IFT122: variants seen among roughly 807,000 people sequenced by gnomAD.
IFT122 encodes intraflagellar transport protein 122 homolog.
Under a neutral mutation model 161.6 loss-of-function variants are expected in IFT122, and 118 were observed. The observed-to-expected ratio is 0.73, with a 90% CI of 0.63 to 0.85. IFT122 has a LOEUF of 0.85. IFT122 is among the 40% of genes least tolerant of loss of function. IFT122 has a pLI of 0.00. For missense variants in IFT122, 1,381 were observed against 1,579.6 expected (o/e 0.87, Z 2.13); for synonymous variants, 550 against 602.4 (o/e 0.91, Z 1.27).
At chr3:129,511,817 T>C (rs2082868659) in intron 23 of IFT122, among the ~76,000 whole-genome samples, 1 of 152,134 alleles carries the variant, frequency 6.6e-6, no homozygotes, top group South Asian at 2.1e-4. Context: ...GGCATGTGGG[T>C]TCATGCTGGA....
chr3:129,518,749 C>T (rs2084338669), intron 27 of IFT122, among the ~76,000 whole-genome samples: 1 of 152,174 alleles, frequency 6.6e-6, no homozygotes, highest in African/African-American at 2.4e-5. Context: ...GGGACTCTCG[C>T]CCCTGTCTGC....
At chr3:129,440,590 G>A (rs2072872212) in intron 1 of IFT122, among the ~76,000 whole-genome samples, 1 of 152,176 alleles carries the variant, frequency 6.6e-6, no homozygotes, top group Non-Finnish European at 1.5e-5. Context: ...CGCCTGAGGT[G>A]GTGGCGGGTG....
rs201590142 is a variant in IFT122 at position 129,519,682 on chromosome 3, C to G, written c.3586C>G (p.Arg1196Gly). 1 of 1,613,672 alleles carries G rather than the reference C, an allele frequency of 6.2e-7. No individual in the cohort carries two copies. Among genetic ancestry groups the G allele is most frequent in the African/African-American group, 1.3e-5 (1 of 74,908 alleles). The change falls in exon 29 of 30, where the codon CGC (arginine) becomes GGC (glycine). Residue 1196 changes from arginine to glycine, a missense_variant. Arg to Gly is a moderately radical substitution (Grantham distance 125). Coordinates refer to ENST00000348417, the MANE Select transcript of IFT122 (RefSeq NM_052989.3). ...CCCACCCCTGAGGTGGCAATACTTC[C>G]GCTCACTGCTGCCTGACGCCTCCAT... ...WPPPLRWQYFRSLLPDASITM... is the reference protein window; with the variant it reads ...WPPPLRWQYFGSLLPDASITM...
At chr3:129,519,493 C>T (rs2084473353) in intron 28 of IFT122, 75 bp from the exon 29 acceptor site, 2 of 1,589,684 alleles carry the variant, frequency 1.3e-6, no homozygotes, top group South Asian at 2.2e-5. Context: ...CCAAAGATTC[C>T]AGGATCATAA....
intron 3 of IFT122, among the ~76,000 whole-genome samples, chr3:129,452,522 G>T (rs2074969705): frequency 6.6e-6 from 1 of 152,184 alleles, no homozygotes; most frequent in Non-Finnish European, 1.5e-5. Flanking sequence ...CAATGAGATT[G>T]TGCCAGTGGG....
At chr3:129,518,527 C>T (rs1263402567) in intron 27 of IFT122, among the ~76,000 whole-genome samples, 1 of 152,204 alleles carries the variant, frequency 6.6e-6, no homozygotes, top group African/African-American at 2.4e-5. Context: ...GGACCCATCT[C>T]TGCCACCCAG....
intron 1 of IFT122, among the ~76,000 whole-genome samples, chr3:129,447,628 T>A (rs2074182952): frequency 6.6e-6 from 1 of 152,238 alleles, no homozygotes; most frequent in Non-Finnish European, 1.5e-5. Flanking sequence ...TTCTCCTGCC[T>A]CAGCCTCCCT....
At chr3:129,467,543 C>T (rs1323808395) in intron 8 of IFT122, among the ~76,000 whole-genome samples, 1 of 152,128 alleles carries the variant, frequency 6.6e-6, no homozygotes. Flanking sequence ...TTACTGGACA[C>T]GTTTCTTAGC....
intron 3 of IFT122, among the ~76,000 whole-genome samples, chr3:129,453,530 T>G (rs546395930): frequency 6.6e-6 from 1 of 152,310 alleles, no homozygotes; most frequent in East Asian, 1.9e-4. Flanking sequence ...CCAGCGATTT[T>G]GAGCTGCATA....
chr3:129,499,852 G>A, intron 18 of IFT122, 50 bp from the exon 19 acceptor site: 1 of 1,608,740 alleles, frequency 6.2e-7, no homozygotes, highest in South Asian at 1.1e-5. Context: ...ATGTAACGCT[G>A]GCACAGGAAG....
intron 25 of IFT122, chr3:129,514,871 C>T (rs935141919): frequency 1.2e-5 from 6 of 489,484 alleles, no homozygotes; most frequent in Non-Finnish European, 1.9e-5. Context: ...TTACCCCAGG[C>T]CTGGCCCCAG....
intron 22 of IFT122, among the ~76,000 whole-genome samples, chr3:129,507,278 GAAGAGGCAT>G (rs1489373518): frequency 6.6e-6 from 1 of 152,186 alleles, no homozygotes; most frequent in Non-Finnish European, 1.5e-5. Flanking sequence ...GCAGCAGAGG[GAAGAGGCAT>G]AAGATGAGCA....
chr3:129,514,203 T>C (rs548320550), intron 24 of IFT122, 186 bp from the exon 25 acceptor site: 41 of 717,762 alleles, frequency 5.7e-5, no homozygotes, highest in Non-Finnish European at 9.3e-5. Context: ...GAAAAATTCC[T>C]GGGCCTTGCC....
chr3:129,504,416 A>G lies in IFT122; in HGVS notation c.2645A>G (p.Gln882Arg), dbSNP rs758431632. ...LAENDRFEEA[Q>R]KAFHKAGRQR... ...GAGAACGATCGCTTTGAGGAAGCCC[A>G]GAAAGGTAGGCAACACAGACTGTCA... Residue 882 changes from glutamine to arginine, a missense_variant, in exon 21 of 30, where the codon CAG becomes CGG. This residue lies in a region of IFT122 where 496 missense variants were observed against 502.5 expected (regional missense o/e 0.99). Coordinates refer to ENST00000348417, the MANE Select transcript of IFT122 (RefSeq NM_052989.3). 6.2e-6 allele frequency: 10 copies of G among 1,613,180 alleles called. No homozygotes were observed. Among genetic ancestry groups the G allele is most frequent in the Non-Finnish European group, 8.5e-6 (10 of 1,179,228 alleles).
intron 1 of IFT122, among the ~76,000 whole-genome samples, chr3:129,447,603 C>T (rs1295400453): frequency 6.6e-6 from 1 of 152,162 alleles, no homozygotes; most frequent in East Asian, 1.9e-4. Context: ...ACCTCTGTCT[C>T]CCGGGTTCAA....
At chr3:129,449,006 G>C (rs1360291548) in intron 1 of IFT122, among the ~76,000 whole-genome samples, 1 of 152,120 alleles carries the variant, frequency 6.6e-6, no homozygotes, top group African/African-American at 2.4e-5. Context: ...GCCTCAGCTT[G>C]CCTATCTATG....
chr3:129,461,033 A>T (rs779347932), intron 4 of IFT122, 195 bp from the exon 5 acceptor site: 4 of 1,098,370 alleles, frequency 3.6e-6, no homozygotes, highest in Non-Finnish European at 5.6e-6. Flanking sequence ...ACAAATAAGA[A>T]AACAGTGGGT....
intron 18 of IFT122, among the ~76,000 whole-genome samples, chr3:129,498,389 T>C (rs977359370): frequency 8.5e-5 from 13 of 152,246 alleles, no homozygotes; most frequent in African/African-American, 3.1e-4. Flanking sequence ...AGCTTCGTGC[T>C]GGCATAGAGA....
intron 18 of IFT122, among the ~76,000 whole-genome samples, chr3:129,496,264 GC>G (rs1199084345): frequency 6.6e-6 from 1 of 152,082 alleles, no homozygotes; most frequent in South Asian, 2.1e-4. Flanking sequence ...TAGGAGAGGA[GC>G]TTCCTGGACC....
Sources: gnomAD v4.1 joint callset for allele counts (sites outside exome capture counted in the v4.1 genomes callset) on GRCh38, gnomAD v4.1.1 for gene constraint, gnomAD v4.1.1 regional missense constraint, MANE v1.5 for transcripts, NCBI Gene and HGNC (gene_info 2026-07-23, HGNC 2026-07-21) for gene names.